The following GRIN2C variants were observed in gnomAD, a reference collection of about 807,000 sequenced individuals.
GRIN2C encodes glutamate receptor ionotropic, NMDA 2C.
In GRIN2C, 64 loss-of-function variants were observed where a neutral mutation model predicts 77.7. The observed-to-expected ratio is 0.82, with a 90% CI of 0.67 to 1.01. The LOEUF is 1.01. Among genes scored for constraint, GRIN2C ranks in the 50% least tolerant of loss-of-function variants. The probability of loss-of-function intolerance (pLI) is 0.00; values close to 1 mark genes in which losing one functional copy is unlikely to be tolerated. For missense variants in GRIN2C, 1,549 were observed against 1,486.0 expected, an observed-to-expected ratio of 1.04 and a Z score of -0.70; for synonymous variants, 792 against 643.4, an observed-to-expected ratio of 1.23 and a Z score of -3.49.
In GRIN2C at chr17:74,843,285, G is replaced by C; in HGVS notation, c.2852C>G (p.Pro951Arg). ...GCCCGTGGGGCTCGGCTCTGGGGGC[G>C]GGTCGGGGGTGGGCAGGCATGGGCT... ...GPSPCLPTPDPPPEPSPTGWG... is the reference protein window; with the variant it reads ...GPSPCLPTPDRPPEPSPTGWG... Residue 951 changes from proline (P) to arginine (R), a missense_variant, in exon 13 of 13, where the codon CCG becomes CGG. Pro to Arg is a moderately radical substitution (Grantham distance 103). Transcript: ENST00000293190. 2 of 1,065,016 alleles carry C rather than the reference G, an allele frequency of 1.9e-6. No individual in the cohort carries two copies. Among genetic ancestry groups the C allele is most frequent in the Non-Finnish European group, 2.6e-6 (2 of 777,512 alleles). 66.0% of individuals were successfully genotyped at this position (1,065,016 alleles called of 1,614,324 possible). A position where few individuals can be genotyped will look rare whatever the true frequency, so the allele number is the denominator to read the frequency against.
rs985309430 is a variant in GRIN2C at position 74,849,545 on chromosome 17, C to T, written c.1645+235G>A. 6.6e-6 allele frequency among the ~76,000 whole-genome samples: 1 copy of T among 152,186 alleles called. No homozygotes were observed. Among genetic ancestry groups the T allele is most frequent in the Non-Finnish European group, 1.5e-5 (1 of 68,032 alleles). ...TTTCCTGCCACTCACAGTGGCACCA[C>T]GACCCATCCCACACCCCCAACCCCA... is the stretch of plus-strand genomic sequence containing the variant. On this transcript the variant is annotated intron_variant, in intron 7 of 12. Transcript: ENST00000293190. This position sits in a 1 kb window ranked among gnomAD's most constrained non-coding sequence, Gnocchi z 4.6.
rs1180090472 is a variant in GRIN2C, at chr17:74,852,526, C to G, written c.485G>C (p.Trp162Ser). ...GCTGGTGATGACGGCGAAGGCGCTC[C>G]AGTCGTACTCTTCCAGCACCTTGAA... ...VLFKVLEEYD[W>S]SAFAVITSLH... The change falls in exon 3 of 13, where the codon TGG becomes TCG. Residue 162 changes from tryptophan (W) to serine (S), a missense_variant. Physicochemically the swap from Trp to Ser is radical, Grantham distance 177. Around this residue, in one of 3 missense-constraint regions of GRIN2C, gnomAD observed 382 missense variants for 360.0 expected, o/e 1.06. Transcript: ENST00000293190. 1 of 1,567,610 alleles carries G rather than the reference C, an allele frequency of 6.4e-7. No individual in the cohort carries two copies. Among genetic ancestry groups the G allele is most frequent in the Non-Finnish European group, 8.6e-7 (1 of 1,164,636 alleles).
exon 1 of GRIN2C, chr17:74,859,883 TGCGGCG>T (rs71157101): frequency 7.1e-4 from 117 of 165,662 alleles, no homozygotes; most frequent in South Asian, 4.5e-3. The surrounding 1 kb of genome is among the most constrained non-coding windows in gnomAD (Gnocchi z 5.9). Flanking sequence ...ACACTCGCGA[TGCGGCG>T]GCGGCGGCGG....
At position 74,844,909 on chromosome 17, in the gene GRIN2C, T is replaced by C. The variant is rs140419393; in HGVS notation, c.2351-401A>G. ...GGCCTAGGCTCCTAAGAGACACACA[T>C]TGTGATTGCTCTTATTATTATTATT... is the stretch of plus-strand genomic sequence containing the variant. On this transcript the variant is annotated intron_variant, in intron 11 of 12. Transcript: ENST00000293190. Among the ~76,000 whole-genome samples the C allele has an allele frequency of 5.9e-5, 9 of 152,184 alleles. No homozygotes were observed. The East Asian group carries it at 1.3e-3, about 23-fold the overall frequency.
Position 74,849,697 on chromosome 17 carries a change from T to A in GRIN2C, c.1645+83A>T, listed in dbSNP as rs2144581359. On this transcript the variant is annotated intron_variant, in intron 7 of 12. Transcript: ENST00000293190. This position sits in a 1 kb window ranked among gnomAD's most constrained non-coding sequence, Gnocchi z 4.6. ...CTTGGCCTGTGAGAGCCCACCCAAC[T>A]CCCCATCCCCACCCAAGCTGTACAC... is the stretch of plus-strand genomic sequence containing the variant. 2.4e-5 allele frequency: 30 copies of A among 1,264,440 alleles called. No homozygotes were observed. Among genetic ancestry groups the A allele is most frequent in the Non-Finnish European group, 2.7e-5 (25 of 912,564 alleles). The allele number at this position is 1,264,440 out of a possible 1,614,324, so 78.3% of individuals were successfully genotyped here.
At position 74,842,472 on chromosome 17, in the gene GRIN2C, G is replaced by A. The variant is rs1394072418; in HGVS notation, c.3665C>T (p.Thr1222Ile). 5 of 777,220 alleles carry A rather than the reference G, an allele frequency of 6.4e-6. No homozygotes were observed. Among genetic ancestry groups the A allele is most frequent in the Non-Finnish European group, 1.2e-5 (5 of 417,148 alleles). The allele number at this position is 777,220 out of a possible 1,614,324, so 48.1% of individuals were successfully genotyped here. A position where few individuals can be genotyped will look rare whatever the true frequency, so the allele number is the denominator to read the frequency against. Residue 1222 changes from threonine (T) to isoleucine (I), a missense_variant, in exon 13 of 13, where the codon ACC becomes ATC. Coordinates refer to ENST00000293190, the MANE Select transcript of GRIN2C (RefSeq NM_000835.6). The stretch of plus-strand genomic sequence containing the variant: ...CTCCAGACTGGAGATCCGTCTCCAG[G>A]TGCAGGGTCCCGGGAAGCCTTGCGT... ...RGTQGFPGPC[T>I]WRRISSLESE...
In GRIN2C at chr17:74,852,312, G is replaced by A. The variant is rs934327091; in HGVS notation, c.699C>T (p.Ala233=). The part of the protein sequence containing the change: ...VFVAYCSREE[A]EVLFAEAAQA... ...GCGCCGCCTCGGCGAAGAGCACCTC[G>A]GCCTCCTCGCGCGAGCAGTAGGCCA... The change falls in exon 3 of 13, where the codon GCC becomes GCT. Residue 233 remains alanine, a synonymous_variant. Coordinates refer to ENST00000293190, the MANE Select transcript of GRIN2C (RefSeq NM_000835.6). 9 of 1,449,624 alleles carry A rather than the reference G, an allele frequency of 6.2e-6. No individual in the cohort carries two copies. Among genetic ancestry groups the A allele is most frequent in the Middle Eastern group, 1.8e-4 (1 of 5,456 alleles). The allele number at this position is 1,449,624 out of a possible 1,614,324, so 89.8% of individuals were successfully genotyped here.
At position 74,847,568 on chromosome 17, in the gene GRIN2C, C is replaced by T; in HGVS notation, c.1772-31G>A. The T allele has an allele frequency of 6.8e-7, 1 of 1,461,716 alleles. No homozygotes were observed. 90.5% of individuals were successfully genotyped at this position (1,461,716 alleles called of 1,614,324 possible). A position where few individuals can be genotyped will look rare whatever the true frequency, so the allele number is the denominator to read the frequency against. On this transcript the variant is annotated intron_variant, in intron 8 of 12. Transcript: ENST00000293190. This position sits in a 1 kb window ranked among gnomAD's most constrained non-coding sequence, Gnocchi z 5.2. ...GGCAAGAGGCGGGGGGATGCTGGAGCTCCTCCTGCCCACCATGAAAGGGCT... is the reference window on the plus strand; with the variant it reads ...GGCAAGAGGCGGGGGGATGCTGGAGTTCCTCCTGCCCACCATGAAAGGGCT...
Position 74,851,594 on chromosome 17 carries a change from GC to G in GRIN2C, c.1095del (p.His366ThrfsTer17). ...CTTCTCACCATCTCCCAGAGGCGGT[GC>G]CGGTTGAGGGCGATCACCACCATGG... ...QPTMVVIALN[R>X]HRLWEMVGRW... On this transcript the variant is annotated frameshift_variant, in exon 4 of 13. Coordinates refer to ENST00000293190, the MANE Select transcript of GRIN2C (RefSeq NM_000835.6). LOFTEE classifies it high-confidence loss of function. 1 of 1,558,860 alleles carries G rather than the reference GC, an allele frequency of 6.4e-7. No homozygotes were observed. The highest frequency in any genetic ancestry group is 8.7e-7 in the Non-Finnish European group (1 of 1,149,760).
In GRIN2C at chr17:74,845,927, C is replaced by T. The variant is rs1262157420; in HGVS notation, c.2350+139G>A. 9.2e-6 allele frequency: 7 copies of T among 763,712 alleles called. No homozygotes were observed. The East Asian group carries it at 1.2e-4, about 14-fold the overall frequency. 47.3% of individuals were successfully genotyped at this position (763,712 alleles called of 1,614,324 possible). On this transcript the variant is annotated intron_variant, in intron 11 of 12. Coordinates refer to ENST00000293190, the MANE Select transcript of GRIN2C (RefSeq NM_000835.6). ...TCTCCAGTTGCTCCTAGTACCTGCCCACCTCAGCTGCCCCAACCTCTCACC... is the reference window on the plus strand; with the variant it reads ...TCTCCAGTTGCTCCTAGTACCTGCCTACCTCAGCTGCCCCAACCTCTCACC...
At position 74,847,272 on chromosome 17, in the gene GRIN2C, G is replaced by GCCC; in HGVS notation, c.2001+33_2001+35dup. ...CTCACGGCCTGTCCCCACCCTCAGT[G>GCCC]CCCCCCCCCACCCCCAGCAGCTATG... On this transcript the variant is annotated intron_variant, in intron 9 of 12. Coordinates refer to ENST00000293190, the MANE Select transcript of GRIN2C (RefSeq NM_000835.6). The surrounding 1 kb of genome is among the most constrained non-coding windows in gnomAD (Gnocchi z 5.2). 1.6e-5 allele frequency: 11 copies of GCCC among 692,322 alleles called. No homozygotes were observed. The highest frequency in any genetic ancestry group is 7.1e-5 in the South Asian group (5 of 70,326). The allele number at this position is 692,322 out of a possible 1,614,324, so 42.9% of individuals were successfully genotyped here.
At chr17:74,856,143 C>T (rs1345661531) in intron 1 of GRIN2C, among the ~76,000 whole-genome samples, 2 of 152,220 alleles carry the variant, frequency 1.3e-5, no homozygotes, top group African/African-American at 4.8e-5. Context: ...AACACAAAGC[C>T]TGAGTGGAGT....
rs1365931162 is a variant in GRIN2C at position 74,849,503 on chromosome 17, G to A, written c.1645+277C>T. ...CCTGGGCCATGGCCCATCCTGAGGC[G>A]AGCCTGCCTGCTGGATTTTCCTGCC... On this transcript the variant is annotated intron_variant, in intron 7 of 12. Transcript: ENST00000293190. This position sits in a 1 kb window ranked among gnomAD's most constrained non-coding sequence, Gnocchi z 4.6. Among the ~76,000 whole-genome samples, 4 of 152,076 alleles carry A rather than the reference G, an allele frequency of 2.6e-5. No individual in the cohort carries two copies. Among genetic ancestry groups the A allele is most frequent in the African/African-American group, 7.2e-5 (3 of 41,408 alleles).
chr17:74,842,332 G>T lies in GRIN2C; in HGVS notation c.*103C>A. 1 of 650,504 alleles carries T rather than the reference G, an allele frequency of 1.5e-6. No individual in the cohort carries two copies. Among genetic ancestry groups the T allele is most frequent in the Admixed American group, 2.7e-5 (1 of 37,324 alleles). The allele number at this position is 650,504 out of a possible 1,614,324, so 40.3% of individuals were successfully genotyped here. A position where few individuals can be genotyped will look rare whatever the true frequency, so the allele number is the denominator to read the frequency against. ...TCTGTCACTGGGGTCCCATGGCCAG[G>T]ATTTCATGGCAGAAGCCAGAAAAGC... On this transcript the variant is annotated 3_prime_UTR_variant, in exon 13 of 13. Coordinates refer to ENST00000293190, the MANE Select transcript of GRIN2C (RefSeq NM_000835.6).
At chr17:74,855,175 G>T in intron 1 of GRIN2C, 68 bp from the exon 2 acceptor site, 1 of 1,296,844 alleles carries the variant, frequency 7.7e-7, no homozygotes, top group South Asian at 1.5e-5. Flanking sequence ...TGGACAGACA[G>T]GAGGGACAGA....
chr17:74,846,843 G>A lies in GRIN2C; in HGVS notation c.2079C>T (p.Arg693=), dbSNP rs2037471978. 2 of 1,614,178 alleles carry A rather than the reference G, an allele frequency of 1.2e-6. No homozygotes were observed. The highest frequency in any genetic ancestry group is 1.7e-6 in the Non-Finnish European group (2 of 1,180,024). Residue 693 remains arginine (R), a synonymous_variant, in exon 10 of 13, where the codon CGC becomes CGT. Transcript: ENST00000293190. The surrounding 1 kb of genome is among the most constrained non-coding windows in gnomAD (Gnocchi z 4.4). ...VPNGSTERNI[R]SNYRDMHTHM... is the part of the protein sequence containing the mutation. The stretch of plus-strand genomic sequence containing the variant: ...GGGTGTGCATGTCACGGTAGTTACT[G>A]CGGATGTTCCGCTCCGTGCTGCCGT...
rs1341780946 is a variant in GRIN2C at position 74,843,938 on chromosome 17, A to C, written c.2583+338T>G. 104 of 472,814 alleles carry C rather than the reference A, an allele frequency of 2.2e-4. No individual in the cohort carries two copies. In the East Asian group the frequency reaches 4.0e-3, roughly 18 times the overall value. The allele number at this position is 472,814 out of a possible 1,614,324, so 29.3% of individuals were successfully genotyped here. A position where few individuals can be genotyped will look rare whatever the true frequency, so the allele number is the denominator to read the frequency against. On this transcript the variant is annotated intron_variant, in intron 12 of 12. Coordinates refer to ENST00000293190, the MANE Select transcript of GRIN2C (RefSeq NM_000835.6). ...GCCCAGGCTGGAGTGCAGTGGTGCC[A>C]TCTCGGCTCACTGCAACCTCTGCCT...
At chr17:74,860,191 AG>A (rs2037920774), upstream of GRIN2C, among the ~76,000 whole-genome samples, 1 of 152,196 alleles carries the variant, frequency 6.6e-6, no homozygotes, top group Non-Finnish European at 1.5e-5. Flanking sequence ...TCGGGAGTTT[AG>A]AAACAGGCTC....
At chr17:74,844,610 G>T in intron 11 of GRIN2C, 102 bp from the exon 12 acceptor site, 1 of 1,495,278 alleles carries the variant, frequency 6.7e-7, no homozygotes, top group East Asian at 2.4e-5. Context: ...ATCTGGGGCA[G>T]GGTGCCACCC....
Sources: gnomAD v4.1 joint callset for allele counts (sites outside exome capture counted in the v4.1 genomes callset) on GRCh38, gnomAD v4.1.1 for gene constraint, gnomAD v4.1.1 regional missense constraint, Gnocchi (gnomAD v3.1) non-coding constraint, MANE v1.5 for transcripts, NCBI Gene and HGNC (gene_info 2026-07-23, HGNC 2026-07-21) for gene names.